The following MELTF variants were observed in gnomAD, a reference collection of about 807,000 sequenced individuals.
MELTF encodes the protein melanotransferrin.
In MELTF, 67 loss-of-function variants were observed where a neutral mutation model predicts 83.7. The ratio of observed to expected loss-of-function variants is 0.80; its 90% CI spans 0.66 to 0.98. MELTF has a LOEUF of 0.98. MELTF is among the 50% of genes least tolerant of loss of function. The pLI is 0.00. For synonymous variants in MELTF, 462 were observed against 447.6 expected, an observed-to-expected ratio of 1.03 and a Z score of -0.41; for missense variants, 1,002 against 1,035.6, an observed-to-expected ratio of 0.97 and a Z score of 0.44.
rs115921599 is a variant in MELTF at position 197,008,296 on chromosome 3, T to G, written c.1750+361A>C. Among the ~76,000 whole-genome samples, 102 of 152,274 alleles carry G rather than the reference T, an allele frequency of 6.7e-4. No homozygotes were observed. The highest frequency in any genetic ancestry group is 1.2e-3 in the Non-Finnish European group (79 of 68,020). On this transcript the variant is annotated intron_variant, in intron 13 of 15. Transcript: ENST00000296350. The surrounding 1 kb of genome is among the most constrained non-coding windows in gnomAD (Gnocchi z 5.4). ...AACACAGACCAGATACTGATTGAAC[T>G]CATGACCCTGTGGAGAGGCTCATGC...
Position 197,010,704 on chromosome 3 carries a change from A to G in MELTF, c.1324T>C (p.Tyr442His). ...CGGCAGGCCCTGCACTCACGGGCAT[A>G]GTGCTCCCCGGCTGCGGGAACCAGG... ...YGLVPAAGEH[Y>H]APEDSSNSYY... is the part of the protein sequence containing the mutation. The change falls in exon 10 of 16, where the codon TAT (tyrosine) becomes CAT (histidine). Residue 442 changes from tyrosine (Y) to histidine (H), a missense_variant. Physicochemically the swap from Tyr to His is moderately conservative, Grantham distance 83 (BLOSUM62 2). Coordinates refer to ENST00000296350, the MANE Select transcript of MELTF (RefSeq NM_005929.6). The G allele has an allele frequency of 6.2e-7, 1 of 1,612,908 alleles. No individual in the cohort carries two copies. The highest frequency in any genetic ancestry group is 1.1e-5 in the South Asian group (1 of 91,080).
At position 197,022,957 on chromosome 3, in the gene MELTF, CG is replaced by C; in HGVS notation, c.643del (p.Arg215GlyfsTer13). The C allele has an allele frequency of 6.2e-7, 1 of 1,605,778 alleles. No individual in the cohort carries two copies. Among genetic ancestry groups the C allele is most frequent in the Non-Finnish European group, 8.5e-7 (1 of 1,177,074 alleles). ...ERYYDYSGAFRCLAEGAGDVA... is the reference protein window; with the variant it reads ...ERYYDYSGAFXCLAEGAGDVA... The stretch of plus-strand genomic sequence containing the variant: ...CCCTCCCTGCCCCCACTCCGCTCAC[CG>C]GAAGGCCCCGCTGTAGTCGTAGTAT... On this transcript the variant is annotated frameshift_variant and splice_region_variant, in exon 5 of 16. Coordinates refer to ENST00000296350, the MANE Select transcript of MELTF (RefSeq NM_005929.6). LOFTEE classifies it high-confidence loss of function. The surrounding 1 kb of genome is among the most constrained non-coding windows in gnomAD (Gnocchi z 5.1).
rs1422401396 is a variant in MELTF at position 197,003,190 on chromosome 3, C to T, written c.*182G>A. On this transcript the variant is annotated 3_prime_UTR_variant, in exon 16 of 16. Transcript: ENST00000296350. The surrounding 1 kb of genome is among the most constrained non-coding windows in gnomAD (Gnocchi z 6.2). Reference sequence around the variant, plus strand: ...GTTGGCGGGAAGGGCCGCGCGGGCCCGGGGGCGGCGCCTCAGGTAGCAGCG... The same window carrying T: ...GTTGGCGGGAAGGGCCGCGCGGGCCTGGGGGCGGCGCCTCAGGTAGCAGCG... 9.9e-6 allele frequency: 6 copies of T among 607,184 alleles called. No homozygotes were observed. Among genetic ancestry groups the T allele is most frequent in the Middle Eastern group, 7.6e-4 (1 of 1,308 alleles). The allele number at this position is 607,184 out of a possible 1,614,324, so 37.6% of individuals were successfully genotyped here.
intron 1 of MELTF, chr3:197,028,129 C>T: frequency 3.6e-6 from 2 of 559,266 alleles, no homozygotes; most frequent in East Asian, 2.9e-5. Context: ...CGGCTGCTGG[C>T]AAATGGAATG....
rs1363775962 is a variant in MELTF, at chr3:197,006,093, T to G, written c.1938+456A>C. Among the ~76,000 whole-genome samples, 1 of 152,008 alleles carries G rather than the reference T, an allele frequency of 6.6e-6. No homozygotes were observed. On this transcript the variant is annotated intron_variant, in intron 14 of 15. Transcript: ENST00000296350. This position sits in a 1 kb window ranked among gnomAD's most constrained non-coding sequence, Gnocchi z 5.4. Reference sequence around the variant, plus strand: ...AAAATTAGCCAGGCATGGTGGCGGGTGCCTGTAGTCCCAGCTACTCAGGAG... The same window carrying G: ...AAAATTAGCCAGGCATGGTGGCGGGGGCCTGTAGTCCCAGCTACTCAGGAG...
chr3:197,023,275 T>C (rs1719704678), intron 4 of MELTF, among the ~76,000 whole-genome samples, 162 bp from the exon 5 acceptor site: 1 of 152,160 alleles, frequency 6.6e-6, no homozygotes, highest in African/African-American at 2.4e-5. Context: ...ACCCGATCAG[T>C]GACCCCCAAA....
intron 2 of MELTF, 47 bp from the exon 3 acceptor site, chr3:197,026,806 C>A: frequency 1.3e-6 from 2 of 1,564,946 alleles, no homozygotes; most frequent in Non-Finnish European, 8.7e-7. Context: ...CTGGCCTGCT[C>A]AGCAAAGAAC....
In MELTF at chr3:197,022,543, G is replaced by C. The variant is rs145886412; in HGVS notation, c.644+414C>G. Among the ~76,000 whole-genome samples the C allele has an allele frequency of 6.6e-6, 1 of 152,218 alleles. No individual in the cohort carries two copies. Among genetic ancestry groups the C allele is most frequent in the Non-Finnish European group, 1.5e-5 (1 of 67,994 alleles). ...GATGGAATTGGACCACGAGCTGTTAGAGTCTCCTGCATCCACGGAAGGGTT... is the reference window on the plus strand; with the variant it reads ...GATGGAATTGGACCACGAGCTGTTACAGTCTCCTGCATCCACGGAAGGGTT... On this transcript the variant is annotated intron_variant, in intron 5 of 15. Transcript: ENST00000296350. The surrounding 1 kb of genome is among the most constrained non-coding windows in gnomAD (Gnocchi z 5.1).
intron 9 of MELTF, 86 bp from the exon 10 acceptor site, chr3:197,010,880 G>C: frequency 8.2e-7 from 1 of 1,215,786 alleles, no homozygotes. Flanking sequence ...GCAGGGCCTG[G>C]TCTCTTGGGG....
In MELTF at chr3:197,006,013, G is replaced by A. The variant is rs1403803320; in HGVS notation, c.1938+536C>T. Among the ~76,000 whole-genome samples the A allele has an allele frequency of 6.6e-6, 1 of 152,144 alleles. No individual in the cohort carries two copies. Among genetic ancestry groups the A allele is most frequent in the Non-Finnish European group, 1.5e-5 (1 of 68,020 alleles). The stretch of plus-strand genomic sequence containing the variant: ...AGGTGGGCGGATCACGAGGTCAGGA[G>A]ATCGAGACCATCCTGGCTAACACGG... On this transcript the variant is annotated intron_variant, in intron 14 of 15. Coordinates refer to ENST00000296350, the MANE Select transcript of MELTF (RefSeq NM_005929.6). The surrounding 1 kb of genome is among the most constrained non-coding windows in gnomAD (Gnocchi z 5.4).
rs114564161 is a variant in MELTF, at chr3:197,022,607, C to T, written c.644+350G>A. 0.013 allele frequency among the ~76,000 whole-genome samples: 2,008 copies of T among 152,266 alleles called. 47 individuals carry two copies. Among genetic ancestry groups the T allele is most frequent in the African/African-American group, 0.045 (1,887 of 41,548 alleles). Reference sequence around the variant, plus strand: ...GCCGCAACCAGCAGCAGAGACGGGCCGGCCCCAGGTGTCCAGACACACTCC... The same window carrying T: ...GCCGCAACCAGCAGCAGAGACGGGCTGGCCCCAGGTGTCCAGACACACTCC... On this transcript the variant is annotated intron_variant, in intron 5 of 15. Coordinates refer to ENST00000296350, the MANE Select transcript of MELTF (RefSeq NM_005929.6). This position sits in a 1 kb window ranked among gnomAD's most constrained non-coding sequence, Gnocchi z 5.1.
intron 4 of MELTF, among the ~76,000 whole-genome samples, chr3:197,023,543 C>A (rs1719715241): frequency 6.6e-6 from 1 of 152,174 alleles, no homozygotes; most frequent in Non-Finnish European, 1.5e-5. Flanking sequence ...CGGCGGCCAG[C>A]CTCACGGGGG....
At position 197,017,856 on chromosome 3, in the gene MELTF, G is replaced by T. The variant is rs534392042; in HGVS notation, c.713-566C>A. 1.1e-4 allele frequency among the ~76,000 whole-genome samples: 17 copies of T among 152,254 alleles called. No homozygotes were observed. The East Asian group carries it at 2.7e-3, about 24-fold the overall frequency. The stretch of plus-strand genomic sequence containing the variant: ...CACGCCACTGCACTCCAGCCTGGGC[G>T]ACAGAGCGAAACTCTGTCTCAAAAA... On this transcript the variant is annotated intron_variant, in intron 6 of 15. Coordinates refer to ENST00000296350, the MANE Select transcript of MELTF (RefSeq NM_005929.6).
rs1719696951 is a variant in MELTF at position 197,023,117 on chromosome 3, T to C, written c.488-4A>G. On this transcript the variant is annotated splice_region_variant and splice_polypyrimidine_tract_variant and intron_variant, in intron 4 of 15. Transcript: ENST00000296350. ...CCCCCAAAATAGTCGCTGACAGCTGTGGGAAGGAGGTAGAGAGGTCACTCA... is the reference window on the plus strand; with the variant it reads ...CCCCCAAAATAGTCGCTGACAGCTGCGGGAAGGAGGTAGAGAGGTCACTCA... 3 of 1,613,396 alleles carry C rather than the reference T, an allele frequency of 1.9e-6. No individual in the cohort carries two copies.
Position 197,003,804 on chromosome 3 carries a change from G to A in MELTF, c.2137+97C>T. Reference sequence around the variant, plus strand: ...GACTGCTGCGAACGGGCCTCCACCCGCCTCCCCGGACCCGCAGCGCCCCCC... The same window carrying A: ...GACTGCTGCGAACGGGCCTCCACCCACCTCCCCGGACCCGCAGCGCCCCCC... On this transcript the variant is annotated intron_variant, in intron 15 of 15. Coordinates refer to ENST00000296350, the MANE Select transcript of MELTF (RefSeq NM_005929.6). This position sits in a 1 kb window ranked among gnomAD's most constrained non-coding sequence, Gnocchi z 6.2. 3.5e-6 allele frequency: 4 copies of A among 1,150,492 alleles called. No individual in the cohort carries two copies. The highest frequency in any genetic ancestry group is 4.7e-5 in the Admixed American group (2 of 42,556). 71.3% of individuals were successfully genotyped at this position (1,150,492 alleles called of 1,614,324 possible). A position where few individuals can be genotyped will look rare whatever the true frequency, so the allele number is the denominator to read the frequency against.
At chr3:197,016,063 A>C in intron 8 of MELTF, 126 bp downstream of exon 8, 1 of 797,120 alleles carries the variant, frequency 1.3e-6, no homozygotes, top group South Asian at 2.3e-5. Flanking sequence ...AGAGGAATGG[A>C]AATGACAGGT....
At chr3:197,015,332 AC>A (rs1246722679) in intron 9 of MELTF, 32 bp downstream of exon 9, 6 of 1,536,282 alleles carry the variant, frequency 3.9e-6, no homozygotes, top group Non-Finnish European at 5.3e-6. Flanking sequence ...CCACCCGCCC[AC>A]CTGGCCCACG....
chr3:197,018,888 C>T (rs1719506529), intron 6 of MELTF: 1 of 968,876 alleles, frequency 1.0e-6, no homozygotes, highest in Non-Finnish European at 1.2e-6. Context: ...GCAAGAGTAA[C>T]TATTAACACC....
In MELTF at chr3:197,029,684, C is replaced by G. The variant is rs1234728849; in HGVS notation, c.19G>C (p.Ala7Pro). MRGPSG[A>P]LWLLLALRTV... is the part of the protein sequence containing the mutation. Reference sequence around the variant, plus strand: ...CGCAGAGCCAGGAGCAGCCACAGAGCCCCGCTCGGACCCCGCATGGCGCCG... The same window carrying G: ...CGCAGAGCCAGGAGCAGCCACAGAGGCCCGCTCGGACCCCGCATGGCGCCG... Residue 7 changes from alanine (A) to proline (P), a missense_variant, in exon 1 of 16, where the codon GCT becomes CCT. By Grantham distance (27) the Ala-to-Pro change is conservative. Coordinates refer to ENST00000296350, the MANE Select transcript of MELTF (RefSeq NM_005929.6). This position sits in a 1 kb window ranked among gnomAD's most constrained non-coding sequence, Gnocchi z 6.5. 1.6e-6 allele frequency: 2 copies of G among 1,245,382 alleles called. No individual in the cohort carries two copies. The highest frequency in any genetic ancestry group is 2.0e-6 in the Non-Finnish European group (2 of 995,940). The allele number at this position is 1,245,382 out of a possible 1,614,324, so 77.1% of individuals were successfully genotyped here.
Sources: gnomAD v4.1 joint callset for allele counts (sites outside exome capture counted in the v4.1 genomes callset) on GRCh38, gnomAD v4.1.1 for gene constraint, Gnocchi (gnomAD v3.1) non-coding constraint, MANE v1.5 for transcripts, NCBI Gene and HGNC (gene_info 2026-07-23, HGNC 2026-07-21) for gene names.